Variants in RHOT1 observed in about 807,000 individuals in gnomAD.
RHOT1 encodes ras homolog family member T1.
RHOT1 carries 27 observed loss-of-function variants against 95.3 expected under a neutral mutation model. That is an observed-to-expected ratio of 0.28 (90% CI 0.21 to 0.39). The LOEUF (loss-of-function observed/expected upper bound fraction) is 0.39. Ranked by LOEUF, RHOT1 falls within the 10% of genes least tolerant of loss-of-function variation. The pLI, the probability that RHOT1 is intolerant of heterozygous loss-of-function variation, is 1.00. For missense variants in RHOT1, 578 were observed against 786.7 expected (o/e 0.73, Z 3.17); for synonymous variants, 227 against 263.5 (o/e 0.86, Z 1.34).
At chr17:32,181,375 C>T (rs2035619150) in intron 6 of RHOT1, among the ~76,000 whole-genome samples, 2 of 152,190 alleles carry the variant, frequency 1.3e-5, no homozygotes, top group Non-Finnish European at 2.9e-5. Context: ...CAGCCAAAAC[C>T]TAAATATTTT....
chr17:32,202,315 C>T (rs1004653569), intron 14 of RHOT1, among the ~76,000 whole-genome samples: 1 of 152,134 alleles, frequency 6.6e-6, no homozygotes, highest in Non-Finnish European at 1.5e-5. Flanking sequence ...GGACGGCTAA[C>T]CCCAAAGTGT....
intron 1 of RHOT1, among the ~76,000 whole-genome samples, chr17:32,152,865 G>A (rs1004641224): frequency 2.6e-5 from 4 of 151,640 alleles, no homozygotes; most frequent in South Asian, 4.2e-4. Flanking sequence ...ATGTAGTGGC[G>A]TGATCATGGC....
At chr17:32,189,719 ATCTTT>A (rs1193055486) in intron 8 of RHOT1, among the ~76,000 whole-genome samples, 28 of 148,562 alleles carry the variant, frequency 1.9e-4, no homozygotes, top group African/African-American at 3.3e-4. Context: ...CAACAACAAT[ATCTTT>A]TCTTTTCTTT....
At chr17:32,157,370 A>G (rs1366589126) in intron 1 of RHOT1, among the ~76,000 whole-genome samples, 1 of 152,210 alleles carries the variant, frequency 6.6e-6, no homozygotes. Flanking sequence ...TATGGGTGAT[A>G]ATGAAATATT....
rs549693889 is a variant in RHOT1, at chr17:32,148,348, G to C, written c.37+5619G>C. Among the ~76,000 whole-genome samples the C allele has an allele frequency of 1.3e-4, 20 of 152,348 alleles. No homozygotes were observed. The South Asian group carries it at 2.3e-3, about 17-fold the overall frequency. On this transcript the variant is annotated intron_variant, in intron 1 of 19. Coordinates refer to ENST00000545287, the MANE Select transcript of RHOT1 (RefSeq NM_001033566.3). ...AAGTTAAGCTGTCTTTAAATGCAGA[G>C]AAAGTCAAAGTTCAAACATCCCTGG...
chr17:32,199,863 CTT>C (rs1456761744), intron 13 of RHOT1, among the ~76,000 whole-genome samples: 3 of 151,364 alleles, frequency 2.0e-5, no homozygotes, highest in Non-Finnish European at 2.9e-5. Flanking sequence ...AATTCTTACT[CTT>C]TCAGAATATG....
chr17:32,223,428 T>G (rs1417578133), intron 19 of RHOT1, among the ~76,000 whole-genome samples: 1 of 151,558 alleles, frequency 6.6e-6, no homozygotes, highest in East Asian at 1.9e-4. Flanking sequence ...TTTTTTTTTT[T>G]TTTTGCGATA....
chr17:32,223,417 CTTT>C (rs35956904), intron 19 of RHOT1, among the ~76,000 whole-genome samples: 17 of 139,312 alleles, frequency 1.2e-4, no homozygotes, highest in Non-Finnish European at 1.9e-4. Flanking sequence ...TCTTTTCTTT[CTTT>C]TTTTTTTTTT....
intron 1 of RHOT1, chr17:32,151,274 C>T (rs1412631080): frequency 5.9e-6 from 4 of 682,246 alleles, no homozygotes; most frequent in Non-Finnish European, 1.1e-5. Context: ...TTCTTGATGC[C>T]TTCTCCATAT....
chr17:32,197,629 C>T (rs897240242), intron 11 of RHOT1, among the ~76,000 whole-genome samples: 1 of 152,010 alleles, frequency 6.6e-6, no homozygotes, highest in African/African-American at 2.4e-5. Context: ...GGGGTTTCAC[C>T]GTGTTGTCCA....
intron 1 of RHOT1, among the ~76,000 whole-genome samples, chr17:32,154,068 C>T (rs1002429252): frequency 1.3e-5 from 2 of 150,822 alleles, no homozygotes; most frequent in Admixed American, 6.6e-5. Context: ...TTTGGGAGGC[C>T]AAGGTGGGAG....
At chr17:32,171,147 AAT>A in intron 2 of RHOT1, 46 bp downstream of exon 2, 1 of 1,278,916 alleles carries the variant, frequency 7.8e-7, no homozygotes, top group Non-Finnish European at 1.1e-6. Context: ...AATTTATCAA[AAT>A]CAAATTAAAA....
rs530933400 is a variant in RHOT1, at chr17:32,196,287, C to T, written c.869+2180C>T. Among the ~76,000 whole-genome samples, 4 of 151,308 alleles carry T rather than the reference C, an allele frequency of 2.6e-5. No individual in the cohort carries two copies. The South Asian group carries it at 8.4e-4, about 32-fold the overall frequency. On this transcript the variant is annotated intron_variant, in intron 11 of 19. Coordinates refer to ENST00000545287, the MANE Select transcript of RHOT1 (RefSeq NM_001033566.3). ...CTCACTGTGGCCTCGGCCTCCTGGG[C>T]CCAAGCAATCATCCCACTTCAGCCT...
chr17:32,191,812 A>G (rs2036511474), intron 8 of RHOT1, among the ~76,000 whole-genome samples: 1 of 151,768 alleles, frequency 6.6e-6, no homozygotes, highest in African/African-American at 2.4e-5. Context: ...AAGTCTGATG[A>G]TCAGAAATCA....
chr17:32,186,639 ACAGGCGTGAGC>A (rs2036079027), intron 8 of RHOT1, among the ~76,000 whole-genome samples: 1 of 151,936 alleles, frequency 6.6e-6, no homozygotes, highest in African/African-American at 2.4e-5. Context: ...TGCTGGGATT[ACAGGCGTGAGC>A]CACTGCGCCC....
intron 1 of RHOT1, among the ~76,000 whole-genome samples, chr17:32,165,279 A>G (rs777962060): frequency 2.0e-5 from 3 of 149,406 alleles, no homozygotes; most frequent in African/African-American, 5.0e-5. Flanking sequence ...AGAGCTTGCA[A>G]TAAGCCGAAA....
intron 15 of RHOT1, 83 bp downstream of exon 15, chr17:32,202,983 T>G (rs1170998209): frequency 7.3e-7 from 1 of 1,377,496 alleles, no homozygotes; most frequent in African/African-American, 1.5e-5. Context: ...GCCATTGACC[T>G]TTTTAGATAA....
At chr17:32,182,921 G>A in intron 7 of RHOT1, 56 bp downstream of exon 7, 1 of 1,115,886 alleles carries the variant, frequency 9.0e-7, no homozygotes, top group Non-Finnish European at 1.3e-6. Flanking sequence ...TACTAAATTC[G>A]GGTTTTAAAT....
intron 19 of RHOT1, among the ~76,000 whole-genome samples, chr17:32,217,839 T>A (rs150159835): frequency 1.1e-4 from 17 of 150,896 alleles, no homozygotes; most frequent in East Asian, 5.8e-4. Context: ...AGACTTTTTT[T>A]AATTTTTAAT....
Sources: allele counts gnomAD v4.1 joint callset (sites outside exome capture counted in the v4.1 genomes callset), GRCh38; gene constraint gnomAD v4.1.1; transcripts MANE v1.5; gene names NCBI Gene and HGNC (gene_info 2026-07-23, HGNC 2026-07-21).